Variants in CFAP54 observed in about 807,000 individuals in gnomAD.
CFAP54 encodes the protein cilia and flagella associated protein 54.
A neutral mutation model predicts 370.4 loss-of-function variants in CFAP54; 290 were observed. The observed-to-expected ratio is 0.78, with a 90% CI of 0.71 to 0.86. CFAP54 has a LOEUF of 0.86. CFAP54 is among the 40% of genes least tolerant of loss of function. The probability of loss-of-function intolerance (pLI) is 0.00; values close to 1 mark genes in which losing one functional copy is unlikely to be tolerated. For synonymous variants in CFAP54, 1,206 were observed against 1,236.5 expected (o/e 0.98, Z 0.52); for missense variants, 3,399 against 3,528.7 (o/e 0.96, Z 0.93).
At chr12:96,853,021 A>G (rs1342912039) in intron 66 of CFAP54, among the ~76,000 whole-genome samples, 1 of 152,142 alleles carries the variant, frequency 6.6e-6, no homozygotes, top group East Asian at 1.9e-4. Flanking sequence ...AAATTAGAAA[A>G]TTGTTGAGGT....
intron 67 of CFAP54, among the ~76,000 whole-genome samples, chr12:96,871,089 T>G (rs117661689): frequency 0.029 from 4,443 of 152,254 alleles, 81 homozygotes; most frequent in Middle Eastern, 0.044. Context: ...AGGGAGACAG[T>G]GTGGGGAGCC....
At chr12:96,833,432 AG>A (rs2136763877) in intron 66 of CFAP54, among the ~76,000 whole-genome samples, 1 of 151,850 alleles carries the variant, frequency 6.6e-6, no homozygotes, top group African/African-American at 2.4e-5. Context: ...AAGTTCCTGT[AG>A]TTAGCAAAAT....
At chr12:96,814,846 G>A (rs1012510524) in intron 64 of CFAP54, among the ~76,000 whole-genome samples, 3 of 152,066 alleles carry the variant, frequency 2.0e-5, no homozygotes, top group Admixed American at 2.0e-4. Context: ...GAGGATGATG[G>A]TTTCCAGTTT....
intron 8 of CFAP54, among the ~76,000 whole-genome samples, chr12:96,525,161 A>AC (rs2136372638): frequency 6.7e-6 from 1 of 149,820 alleles, no homozygotes; most frequent in East Asian, 2.0e-4. Flanking sequence ...ATTTGTTTAA[A>AC]TTTTTTTTTT....
chr12:96,841,878 G>C (rs1959221159), intron 66 of CFAP54, among the ~76,000 whole-genome samples: 1 of 152,168 alleles, frequency 6.6e-6, no homozygotes, highest in South Asian at 2.1e-4. Context: ...ATTTCCCTAG[G>C]CGTCACTTCC....
Position 96,518,995 on chromosome 12 carries a change from A to G in CFAP54, c.866A>G (p.Tyr289Cys), listed in dbSNP as rs781575446. ...TTGGTCCCGCTCCTGTCACTCAGGT[A>G]CTTGACATGGCGCGCTACTCTCTAC... Reference protein sequence around the residue: ...ESLVPLLSLRYLTWRATLYTA... With the variant: ...ESLVPLLSLRCLTWRATLYTA... The change falls in exon 6 of 68, where the codon TAC becomes TGC. Residue 289 changes from tyrosine to cysteine, a missense_variant. Tyr to Cys is a radical substitution (Grantham distance 194, BLOSUM62 -2). Transcript: ENST00000524981. The G allele has an allele frequency of 7.2e-6, 11 of 1,535,838 alleles. No individual in the cohort carries two copies. The South Asian group carries it at 1.3e-4, about 18-fold the overall frequency.
intron 58 of CFAP54, among the ~76,000 whole-genome samples, chr12:96,761,677 T>G (rs12814705): frequency 0.36 from 55,268 of 151,938 alleles, 10,802 homozygotes; most frequent in East Asian, 0.58. Flanking sequence ...TGAGGTAAGA[T>G]TCTAAATTCT....
chr12:96,827,011 AAT>A (rs1314650588), intron 65 of CFAP54, among the ~76,000 whole-genome samples: 2 of 133,486 alleles, frequency 1.5e-5, no homozygotes, highest in East Asian at 2.6e-4. Context: ...GATTAATTAT[AAT>A]ATGCAATTAT....
chr12:96,847,195 G>A lies in CFAP54; in HGVS notation c.9172-13624G>A, dbSNP rs555019800. 3.9e-4 allele frequency among the ~76,000 whole-genome samples: 60 copies of A among 152,296 alleles called. 1 individual carries two copies. The South Asian group carries it at 0.012, about 30-fold the overall frequency. The stretch of plus-strand genomic sequence containing the variant: ...CCAGATAAAAGAGATGCATAGGGCA[G>A]AGCACAGGGAAGGGGCAAGAAGCAG... On this transcript the variant is annotated intron_variant, in intron 66 of 67. Coordinates refer to ENST00000524981, the MANE Select transcript of CFAP54 (RefSeq NM_001306084.2).
At chr12:96,820,297 A>T (rs930972702) in intron 65 of CFAP54, among the ~76,000 whole-genome samples, 8 of 152,172 alleles carry the variant, frequency 5.3e-5, no homozygotes, top group African/African-American at 1.7e-4. Context: ...TTCTGAAAGA[A>T]TATTATTGTT....
chr12:96,678,841 C>G (rs1268408031), intron 39 of CFAP54, among the ~76,000 whole-genome samples: 1 of 152,168 alleles, frequency 6.6e-6, no homozygotes. Context: ...TTAACCTCTT[C>G]CAACTTACCA....
In CFAP54 at chr12:96,821,450, A is replaced by G. The variant is rs557819850; in HGVS notation, c.9096+3537A>G. On this transcript the variant is annotated intron_variant, in intron 65 of 67. Coordinates refer to ENST00000524981, the MANE Select transcript of CFAP54 (RefSeq NM_001306084.2). ...GTAGAACAAACTCTTTTCACTCTTA[A>G]TGTTCTTCTTTGTGTTTTTGAATTT... 2.0e-5 allele frequency among the ~76,000 whole-genome samples: 3 copies of G among 152,142 alleles called. No homozygotes were observed. The South Asian group carries it at 6.2e-4, about 32-fold the overall frequency.
intron 46 of CFAP54, among the ~76,000 whole-genome samples, chr12:96,704,288 G>A (rs375270344): frequency 2.6e-5 from 4 of 151,176 alleles, no homozygotes; most frequent in Admixed American, 2.0e-4. Flanking sequence ...TTAGCTGGAC[G>A]TGGTGGCGGG....
chr12:96,517,724 G>A (rs1357520343), intron 5 of CFAP54, among the ~76,000 whole-genome samples: 1 of 152,232 alleles, frequency 6.6e-6, no homozygotes, highest in East Asian at 1.9e-4. Context: ...ACCAGGGACT[G>A]AAAGCATTCA....
intron 39 of CFAP54, among the ~76,000 whole-genome samples, chr12:96,674,487 G>A (rs1957181889): frequency 6.6e-6 from 1 of 151,858 alleles, no homozygotes; most frequent in South Asian, 2.1e-4. Flanking sequence ...CAAGATAAGG[G>A]CCCTGAAGCT....
At chr12:96,751,395 A>G (rs1448965915) in intron 55 of CFAP54, among the ~76,000 whole-genome samples, 1 of 152,194 alleles carries the variant, frequency 6.6e-6, no homozygotes, top group African/African-American at 2.4e-5. Flanking sequence ...TCTAGAAGAC[A>G]ATTCAAGTAT....
At chr12:96,745,513 A>AT (rs1164689093) in intron 55 of CFAP54, among the ~76,000 whole-genome samples, 4 of 133,344 alleles carry the variant, frequency 3.0e-5, no homozygotes, top group Admixed American at 3.0e-4. Flanking sequence ...TCCTTTGCCC[A>AT]TTTTTTAATG....
At chr12:96,755,840 G>C (rs1051632633) in intron 56 of CFAP54, among the ~76,000 whole-genome samples, 20 of 151,726 alleles carry the variant, frequency 1.3e-4, no homozygotes, top group Non-Finnish European at 2.2e-4. Context: ...GCTAATTTTT[G>C]TATTTTTAGT....
intron 42 of CFAP54, among the ~76,000 whole-genome samples, chr12:96,687,796 C>G (rs1428495700): frequency 6.6e-6 from 1 of 152,126 alleles, no homozygotes; most frequent in African/African-American, 2.4e-5. Flanking sequence ...TGGAGCTTGG[C>G]AATTGGGAAT....
Sources: allele counts gnomAD v4.1 joint callset (sites outside exome capture counted in the v4.1 genomes callset), GRCh38; gene constraint gnomAD v4.1.1; transcripts MANE v1.5; gene names NCBI Gene and HGNC (gene_info 2026-07-23, HGNC 2026-07-21).